The following CDH11 variants were observed in gnomAD, a reference collection of about 807,000 sequenced individuals.
CDH11 encodes cadherin 11.
Under a neutral mutation model 67.8 loss-of-function variants are expected in CDH11, and 11 were observed. The observed-to-expected ratio is 0.16, with a 90% CI of 0.10 to 0.27. CDH11 has a LOEUF of 0.27. Among genes scored for constraint, CDH11 ranks in the 10% least tolerant of loss-of-function variants. The pLI is 1.00. For missense variants in CDH11, 847 were observed against 1,031.2 expected (o/e 0.82, Z 2.45); for synonymous variants, 419 against 400.0 (o/e 1.05, Z -0.57).
chr16:65,034,718 A>C (rs1661007953), intron 2 of CDH11, among the ~76,000 whole-genome samples: 1 of 152,178 alleles, frequency 6.6e-6, no homozygotes, highest in Admixed American at 6.5e-5. Context: ...CCGCACCCTA[A>C]AGCTTAATGG....
At position 64,947,098 on chromosome 16, in the gene CDH11, G is replaced by A; in HGVS notation, c.*505C>T. On this transcript the variant is annotated 3_prime_UTR_variant, in exon 13 of 13. Transcript: ENST00000268603. ...AGATTGATGCTCAAGAGACATAATT[G>A]TACATTGTATTGTACATACATTGTA... 1 of 1,032,472 alleles carries A rather than the reference G, an allele frequency of 9.7e-7. No individual in the cohort carries two copies. Among genetic ancestry groups the A allele is most frequent in the South Asian group, 4.6e-5 (1 of 21,676 alleles). The allele number at this position is 1,032,472 out of a possible 1,614,324, so 64.0% of individuals were successfully genotyped here.
intron 1 of CDH11, among the ~76,000 whole-genome samples, chr16:65,077,770 A>C (rs2074539276): frequency 6.6e-6 from 1 of 152,242 alleles, no homozygotes; most frequent in African/African-American, 2.4e-5. Flanking sequence ...GGTGGAACAT[A>C]TAAAACAAAT....
rs185327098 is a variant in CDH11, at chr16:65,014,896, G to A, written c.-172-9855C>T. On this transcript the variant is annotated intron_variant, in intron 2 of 12. Coordinates refer to ENST00000268603, the MANE Select transcript of CDH11 (RefSeq NM_001797.4). ...TTGAGATGGAGTTTCGCTCTTTTTGGCCAGGCTGGAGTGCAATGGCACGAT... is the reference window on the plus strand; with the variant it reads ...TTGAGATGGAGTTTCGCTCTTTTTGACCAGGCTGGAGTGCAATGGCACGAT... Among the ~76,000 whole-genome samples the A allele has an allele frequency of 7.6e-3, 1,149 of 151,456 alleles. 14 individuals carry two copies. The highest frequency in any genetic ancestry group is 0.027 in the African/African-American group (1,114 of 41,292).
At chr16:65,054,980 C>T (rs1216631481) in intron 1 of CDH11, among the ~76,000 whole-genome samples, 1 of 152,192 alleles carries the variant, frequency 6.6e-6, no homozygotes, top group East Asian at 1.9e-4. Context: ...CTTAGATCTA[C>T]TAAAATTTGT....
chr16:65,048,750 A>G (rs1429567257), intron 2 of CDH11, among the ~76,000 whole-genome samples: 2 of 152,266 alleles, frequency 1.3e-5, no homozygotes, highest in East Asian at 3.9e-4. Flanking sequence ...ATACACACAT[A>G]CATTATCTCT....
At chr16:65,071,458 C>T (rs925855352) in intron 1 of CDH11, among the ~76,000 whole-genome samples, 7 of 152,120 alleles carry the variant, frequency 4.6e-5, no homozygotes, top group Admixed American at 1.3e-4. Context: ...AGTGAACAAA[C>T]GGTTATGATC....
At chr16:65,052,253 G>A (rs1022587559) in intron 2 of CDH11, among the ~76,000 whole-genome samples, 1 of 152,088 alleles carries the variant, frequency 6.6e-6, no homozygotes, top group African/African-American at 2.4e-5. Flanking sequence ...TCCCAAATAA[G>A]TCCTGTCCTC....
In CDH11 at chr16:64,972,886, C is replaced by T; in HGVS notation, c.1390+18G>A. 6.2e-7 allele frequency: 1 copy of T among 1,612,884 alleles called. No individual in the cohort carries two copies. The highest frequency in any genetic ancestry group is 8.5e-7 in the Non-Finnish European group (1 of 1,179,224). Reference sequence around the variant, plus strand: ...ATACTTGGTAAAGTAGAATCAAAACCATGAGGAGAATACTTACGGATTTCT... The same window carrying T: ...ATACTTGGTAAAGTAGAATCAAAACTATGAGGAGAATACTTACGGATTTCT... On this transcript the variant is annotated intron_variant, in intron 9 of 12. Transcript: ENST00000268603.
At chr16:65,053,491 A>G (rs2074092222) in intron 2 of CDH11, among the ~76,000 whole-genome samples, 3 of 152,342 alleles carry the variant, frequency 2.0e-5, no homozygotes, top group Admixed American at 2.0e-4. Context: ...CATGGCAATC[A>G]TCTCAGTTGG....
intron 1 of CDH11, among the ~76,000 whole-genome samples, chr16:65,093,819 A>G (rs1260001753): frequency 6.6e-6 from 1 of 152,220 alleles, no homozygotes; most frequent in Non-Finnish European, 1.5e-5. Context: ...GCACACATTA[A>G]AAACACTAAA....
chr16:65,118,445 CT>C (rs142995689), intron 1 of CDH11, among the ~76,000 whole-genome samples: 7,222 of 152,172 alleles, frequency 0.047, 227 homozygotes, highest in East Asian at 0.16. Flanking sequence ...GTTTTTCCCC[CT>C]AATCAATTAA....
At chr16:65,123,550 C>G (rs1396090627), upstream of CDH11, 1 of 152,104 alleles carries the variant, frequency 6.6e-6, no homozygotes, top group Non-Finnish European at 1.5e-5. Context: ...AGCGGCCGAG[C>G]CCTGCCCTCC....
At chr16:65,019,207 A>G (rs1163640910) in intron 2 of CDH11, among the ~76,000 whole-genome samples, 1 of 152,230 alleles carries the variant, frequency 6.6e-6, no homozygotes, top group African/African-American at 2.4e-5. Context: ...AAAAAGATTA[A>G]TAGGATAAGA....
chr16:65,016,093 T>G (rs2073300369), intron 2 of CDH11, among the ~76,000 whole-genome samples: 1 of 152,156 alleles, frequency 6.6e-6, no homozygotes, highest in Non-Finnish European at 1.5e-5. Context: ...CTAATGTACC[T>G]CACCAAACCA....
chr16:65,010,043 C>G (rs145809471), intron 2 of CDH11, among the ~76,000 whole-genome samples: 1 of 152,184 alleles, frequency 6.6e-6, no homozygotes, highest in African/African-American at 2.4e-5. Context: ...AAGACGAAAG[C>G]GCTTAGCAGA....
chr16:64,948,203 C>T, intron 12 of CDH11, 104 bp from the exon 13 acceptor site: 1 of 1,412,742 alleles, frequency 7.1e-7, no homozygotes, highest in Non-Finnish European at 9.5e-7. Context: ...TATAAATGCT[C>T]AGAACAGGAA....
rs71376754 is a variant in CDH11 at position 65,021,636 on chromosome 16, TA to T, written c.-172-16596del. Among the ~76,000 whole-genome samples the T allele has an allele frequency of 6.4e-3, 909 of 141,118 alleles. 2 individuals carry two copies. Among genetic ancestry groups the T allele is most frequent in the Middle Eastern group, 0.011 (3 of 272 alleles). The allele number at this position is 141,118 out of a possible 152,430, so 92.6% of individuals were successfully genotyped here. ...GCTAACTCTCAACAATAGAGCTCTT[TA>T]AAAAAAAAAAAAATCCTTTTAGATC... On this transcript the variant is annotated intron_variant, in intron 2 of 12. Transcript: ENST00000268603.
chr16:65,029,656 A>G (rs897488775), intron 2 of CDH11, among the ~76,000 whole-genome samples: 2 of 152,242 alleles, frequency 1.3e-5, no homozygotes, highest in African/African-American at 4.8e-5. Flanking sequence ...AGCATGCAGA[A>G]CTGAAAGTTT....
intron 1 of CDH11, among the ~76,000 whole-genome samples, chr16:65,057,694 G>A (rs1470892437): frequency 6.6e-6 from 1 of 152,154 alleles, no homozygotes; most frequent in Non-Finnish European, 1.5e-5. Flanking sequence ...AAAATGGAAA[G>A]AGTTGTCAAT....
Sources: allele counts gnomAD v4.1 joint callset (sites outside exome capture counted in the v4.1 genomes callset), GRCh38; gene constraint gnomAD v4.1.1; transcripts MANE v1.5; gene names NCBI Gene and HGNC (gene_info 2026-07-23, HGNC 2026-07-21).